COQ8B: variants seen among roughly 807,000 people sequenced by gnomAD.
COQ8B encodes the protein atypical kinase COQ8B, mitochondrial.
In COQ8B, 44 loss-of-function variants were observed where a neutral mutation model predicts 62.0. The observed-to-expected ratio is 0.71, with a 90% CI of 0.56 to 0.91. COQ8B has a LOEUF of 0.91. Among genes scored for constraint, COQ8B ranks in the 40% least tolerant of loss-of-function variants. The pLI is 0.00. For missense variants in COQ8B, 649 were observed against 731.6 expected (o/e 0.89, Z 1.30); for synonymous variants, 252 against 289.9 (o/e 0.87, Z 1.33).
Position 40,696,436 on chromosome 19 carries a change from G to T in COQ8B, c.1144-382C>A, listed in dbSNP as rs151253858. ...AACCCTAGCACTTTGGGAGGCCAAGGTGGGTGGATCATGAGGTCAGGAGTT... is the reference window on the plus strand; with the variant it reads ...AACCCTAGCACTTTGGGAGGCCAAGTTGGGTGGATCATGAGGTCAGGAGTT... On this transcript the variant is annotated intron_variant, in intron 12 of 14. Transcript: ENST00000324464. 3.1e-3 allele frequency among the ~76,000 whole-genome samples: 472 copies of T among 152,156 alleles called. 1 individual carries two copies. Among genetic ancestry groups the T allele is most frequent in the African/African-American group, 0.011 (442 of 41,508 alleles).
chr19:40,692,314 C>A lies in COQ8B; in HGVS notation c.1356G>T (p.Gln452His). ...VMILGEPFAT[Q>H]GPYDFGSGET... ...CCCCCGACCCAAAGTCATAAGGGCC[C>A]TGGGTGGCGAAAGGCTCCCCCAGGA... Residue 452 changes from glutamine to histidine, a missense_variant, in exon 15 of 15, where the codon CAG becomes CAT. By Grantham distance (24) the Gln-to-His change is conservative (BLOSUM62 0). Transcript: ENST00000324464. 1 of 1,613,782 alleles carries A rather than the reference C, an allele frequency of 6.2e-7. No individual in the cohort carries two copies. Among genetic ancestry groups the A allele is most frequent in the South Asian group, 1.1e-5 (1 of 91,076 alleles).
At position 40,692,448 on chromosome 19, in the gene COQ8B, G is replaced by A. The variant is rs567750981; in HGVS notation, c.1297-75C>T. ...GCCCTCTGCATAACCCAGAAACAACGTGTAGCCTCCACTCCCTCCAGTCTC... is the reference window on the plus strand; with the variant it reads ...GCCCTCTGCATAACCCAGAAACAACATGTAGCCTCCACTCCCTCCAGTCTC... On this transcript the variant is annotated intron_variant, in intron 14 of 14. Coordinates refer to ENST00000324464, the MANE Select transcript of COQ8B (RefSeq NM_024876.4). 9.0e-4 allele frequency: 1,187 copies of A among 1,324,552 alleles called. 17 individuals are homozygous for A. In the South Asian group the frequency reaches 0.011, roughly 12 times the overall value. The allele number at this position is 1,324,552 out of a possible 1,614,324, so 82.0% of individuals were successfully genotyped here. A position where few individuals can be genotyped will look rare whatever the true frequency, so the allele number is the denominator to read the frequency against.
chr19:40,709,146 C>T (rs1156523843), intron 5 of COQ8B, among the ~76,000 whole-genome samples: 1 of 152,162 alleles, frequency 6.6e-6, no homozygotes, highest in Non-Finnish European at 1.5e-5. Context: ...TAAGGATATT[C>T]CCCTACACAA....
chr19:40,712,979 C>T (rs886629113), intron 4 of COQ8B, among the ~76,000 whole-genome samples: 4 of 152,028 alleles, frequency 2.6e-5, no homozygotes, highest in South Asian at 2.1e-4. Flanking sequence ...TTCGGGAGGC[C>T]GAGGCAGGAG....
chr19:40,715,648 C>A lies in COQ8B; in HGVS notation c.-4+939G>T, dbSNP rs979217391. ...TCTCTCGTGTACATACCCTCCCCCC[C>A]ACTTGCACACTGAGTCTCTGTTCCC... is the stretch of plus-strand genomic sequence containing the variant. On this transcript the variant is annotated intron_variant, in intron 1 of 14. Coordinates refer to ENST00000324464, the MANE Select transcript of COQ8B (RefSeq NM_024876.4). 3.4e-5 allele frequency: 33 copies of A among 976,720 alleles called. No homozygotes were observed. In the African/African-American group the frequency reaches 3.7e-4, roughly 11 times the overall value. The allele number at this position is 976,720 out of a possible 1,614,324, so 60.5% of individuals were successfully genotyped here. A position where few individuals can be genotyped will look rare whatever the true frequency, so the allele number is the denominator to read the frequency against.
chr19:40,708,139 T>C (rs1056447648), intron 5 of COQ8B: 1 of 152,190 alleles, frequency 6.6e-6, no homozygotes, highest in African/African-American at 2.4e-5. Flanking sequence ...CAATTTTTAT[T>C]TATATGTGAT....
Position 40,711,677 on chromosome 19 carries a change from G to A in COQ8B, c.290-1541C>T, listed in dbSNP as rs79323989. 4.4e-3 allele frequency among the ~76,000 whole-genome samples: 666 copies of A among 152,002 alleles called. 5 individuals are homozygous for A. Among genetic ancestry groups the A allele is most frequent in the African/African-American group, 0.016 (643 of 41,436 alleles). ...CTCCTCTTGTCCCTAAAGACGTCTC[G>A]GGTCTCTCTCCTTCTTTTGTTGTCA... On this transcript the variant is annotated intron_variant, in intron 4 of 14. Coordinates refer to ENST00000324464, the MANE Select transcript of COQ8B (RefSeq NM_024876.4).
chr19:40,716,309 G>A (rs2082184705), intron 1 of COQ8B, among the ~76,000 whole-genome samples: 1 of 152,120 alleles, frequency 6.6e-6, no homozygotes, highest in Non-Finnish European at 1.5e-5. Context: ...TCAGCCTTGG[G>A]GGCAAAATAT....
At chr19:40,699,448 C>A (rs1236695706) in intron 12 of COQ8B, among the ~76,000 whole-genome samples, 3 of 151,872 alleles carry the variant, frequency 2.0e-5, no homozygotes, top group African/African-American at 7.3e-5. Flanking sequence ...GTGGTTGGTA[C>A]GAACCACTCT....
At chr19:40,714,432 C>T in intron 2 of COQ8B, 35 bp from the exon 3 acceptor site, 1 of 1,612,448 alleles carries the variant, frequency 6.2e-7, no homozygotes, top group Non-Finnish European at 8.5e-7. Flanking sequence ...GAGGGGAGGA[C>T]ATGGGATCAC....
chr19:40,703,214 C>T (rs557458213), intron 9 of COQ8B, among the ~76,000 whole-genome samples: 1 of 152,256 alleles, frequency 6.6e-6, no homozygotes, highest in Non-Finnish European at 1.5e-5. Context: ...TAGGCGCCTC[C>T]TCACGTGCCA....
At chr19:40,701,510 C>T (rs1346847905) in intron 10 of COQ8B, 1 of 152,106 alleles carries the variant, frequency 6.6e-6, no homozygotes, top group African/African-American at 2.4e-5. Flanking sequence ...TGGCCCATCA[C>T]CCCACTTCAC....
rs770300674 is a variant in COQ8B at position 40,692,381 on chromosome 19, T to G, written c.1297-8A>C. On this transcript the variant is annotated splice_polypyrimidine_tract_variant and splice_region_variant and intron_variant, in intron 14 of 14. Transcript: ENST00000324464. ...GTGGGCGTCGGAGAATGCCTGGGAG[T>G]GGGGGTGGGGGGAGAGCAAAGGCAG... 2 of 1,610,444 alleles carry G rather than the reference T, an allele frequency of 1.2e-6. No individual in the cohort carries two copies. The highest frequency in any genetic ancestry group is 1.7e-6 in the Non-Finnish European group (2 of 1,179,098).
chr19:40,705,836 A>C (rs1026227919), intron 5 of COQ8B, among the ~76,000 whole-genome samples: 1 of 151,088 alleles, frequency 6.6e-6, no homozygotes, highest in Non-Finnish European at 1.5e-5. Context: ...AGGCTGAGGC[A>C]GGAGGATTGC....
At chr19:40,700,585 C>A in intron 10 of COQ8B, 134 bp from the exon 11 acceptor site, 1 of 1,129,522 alleles carries the variant, frequency 8.9e-7, no homozygotes. Context: ...CCATCTCTTG[C>A]TGCTGTCTGC....
At position 40,716,867 on chromosome 19, in the gene COQ8B, C is replaced by T. The variant is rs1050893145; in HGVS notation, c.-284G>A. On this transcript the variant is annotated 5_prime_UTR_variant, in exon 1 of 15. Coordinates refer to ENST00000324464, the MANE Select transcript of COQ8B (RefSeq NM_024876.4). ...CCGGTGCCCTAGATGCATACCTGGC[C>T]GCGCTTCGGATGCTCAGAGGCAAAC... 4.3e-6 allele frequency: 1 copy of T among 230,652 alleles called. No individual in the cohort carries two copies. The highest frequency in any genetic ancestry group is 8.4e-6 in the Non-Finnish European group (1 of 118,798). The allele number at this position is 230,652 out of a possible 1,614,324, so 14.3% of individuals were successfully genotyped here.
In COQ8B at chr19:40,692,256, C is replaced by G. The variant is rs772770880; in HGVS notation, c.1414G>C (p.Val472Leu). Residue 472 changes from valine to leucine, a missense_variant, in exon 15 of 15, where the codon GTG (valine) becomes CTG (leucine). Coordinates refer to ENST00000324464, the MANE Select transcript of COQ8B (RefSeq NM_024876.4). ...GGACACAGCCGGTGCCGCAGCAGCA[C>G]CGGGATGAGGTCCTGTATGCGGCGG... ...TARRIQDLIP[V>L]LLRHRLCPPP... 37 of 1,613,022 alleles carry G rather than the reference C, an allele frequency of 2.3e-5. No individual in the cohort carries two copies. The highest frequency in any genetic ancestry group is 2.9e-5 in the Non-Finnish European group (34 of 1,179,560).
intron 14 of COQ8B, 49 bp downstream of exon 14, chr19:40,692,902 G>C (rs367771031): frequency 6.4e-7 from 1 of 1,556,770 alleles, no homozygotes; most frequent in South Asian, 1.1e-5. Flanking sequence ...GCCCCCCACT[G>C]CACCCCACCA....
rs1004573129 is a variant in COQ8B, at chr19:40,695,935, T to C, written c.1209+54A>G. 5 of 1,560,314 alleles carry C rather than the reference T, an allele frequency of 3.2e-6. No homozygotes were observed. The African/African-American group carries it at 6.8e-5, about 21-fold the overall frequency. On this transcript the variant is annotated intron_variant, in intron 13 of 14. Transcript: ENST00000324464. ...TCGCCTTCTTACTCCTCTGCCTCAG[T>C]ATATGGCTTGAGCCTCAGCCTTTCA...
Sources: allele counts gnomAD v4.1 joint callset (sites outside exome capture counted in the v4.1 genomes callset), GRCh38; gene constraint gnomAD v4.1.1; transcripts MANE v1.5; gene names NCBI Gene and HGNC (gene_info 2026-07-23, HGNC 2026-07-21).